Variants in CDKL3 observed in about 807,000 individuals in gnomAD.
CDKL3 encodes the protein cyclin-dependent kinase-like 3.
Under a neutral mutation model 69.3 loss-of-function variants are expected in CDKL3, and 65 were observed. The ratio of observed to expected loss-of-function variants is 0.94; its 90% CI spans 0.77 to 1.15. The LOEUF is 1.15. Ranked by LOEUF, CDKL3 falls within the 50% of genes most tolerant of loss-of-function variation. CDKL3 has a pLI of 0.00. For missense variants in CDKL3, 652 were observed against 689.2 expected (o/e 0.95, Z 0.61); for synonymous variants, 202 against 221.6 (o/e 0.91, Z 0.79).
At position 134,366,486 on chromosome 5, in the gene CDKL3, C is replaced by T; in HGVS notation, c.38G>A (p.Gly13Glu). The T allele has an allele frequency of 6.2e-7, 1 of 1,608,334 alleles. No homozygotes were observed. Among genetic ancestry groups the T allele is most frequent in the Non-Finnish European group, 8.5e-7 (1 of 1,177,482 alleles). Residue 13 changes from glycine to glutamate, a missense_variant, in exon 2 of 13, where the codon GGA becomes GAA. Transcript: ENST00000265334. ...ACATTTCATGACTGTTCCGTAACTT[C>T]CCTCTCCCACTTTTCCAAGGGTTTC... ...MYETLGKVGE[G>E]SYGTVMKCKH...
intron 4 of CDKL3, among the ~76,000 whole-genome samples, chr5:134,340,941 A>G (rs1166868555): frequency 6.6e-6 from 1 of 152,198 alleles, no homozygotes; most frequent in African/African-American, 2.4e-5. Flanking sequence ...ATTCTCAACA[A>G]AATACTAGCA....
In CDKL3 at chr5:134,305,753, TTTG is replaced by T. The variant is rs371831686; in HGVS notation, c.1458+853_1458+855del. The stretch of plus-strand genomic sequence containing the variant: ...GACAGGTTTGTATTGTTTTCAGTTT[TTTG>T]TTATTATAATTAACATTGTGCTTCA... On this transcript the variant is annotated intron_variant, in intron 10 of 12. Transcript: ENST00000265334. Among the ~76,000 whole-genome samples, 18 of 152,388 alleles carry T rather than the reference TTTG, an allele frequency of 1.2e-4. No individual in the cohort carries two copies. In the East Asian group the frequency reaches 3.1e-3, roughly 26 times the overall value.
chr5:134,303,063 G>A (rs1328897685), intron 11 of CDKL3, among the ~76,000 whole-genome samples: 1 of 151,616 alleles, frequency 6.6e-6, no homozygotes, highest in Middle Eastern at 3.2e-3. Context: ...ACAAAAGTGC[G>A]TTTCATTCTG....
intron 6 of CDKL3, among the ~76,000 whole-genome samples, chr5:134,314,486 A>G (rs964264624): frequency 6.6e-6 from 1 of 152,234 alleles, no homozygotes; most frequent in Non-Finnish European, 1.5e-5. Flanking sequence ...TGTGTTCCAT[A>G]CAAAGACAAA....
rs1769774641 is a variant in CDKL3 at position 134,312,331 on chromosome 5, A to G, written c.842T>C (p.Leu281Ser). The change falls in exon 7 of 13, where the codon TTG becomes TCG. Residue 281 changes from leucine to serine, a missense_variant. Coordinates refer to ENST00000265334, the MANE Select transcript of CDKL3 (RefSeq NM_001113575.2). The part of the protein sequence containing the change: ...PADRISSSDL[L>S]HHEYFTRDGF... Reference sequence around the variant, plus strand: ...ATCTCTAGTAAAATACTCATGATGCAAAAGATCACTAGATGATATCCTGTC... The same window carrying G: ...ATCTCTAGTAAAATACTCATGATGCGAAAGATCACTAGATGATATCCTGTC... 2 of 1,601,080 alleles carry G rather than the reference A, an allele frequency of 1.2e-6. No homozygotes were observed. Among genetic ancestry groups the G allele is most frequent in the Non-Finnish European group, 8.5e-7 (1 of 1,174,262 alleles).
At chr5:134,356,386 C>T (rs996378629) in intron 3 of CDKL3, among the ~76,000 whole-genome samples, 2 of 152,248 alleles carry the variant, frequency 1.3e-5, no homozygotes, top group Non-Finnish European at 2.9e-5. Context: ...TGATTCCTAA[C>T]AGGCCACAGA....
intron 4 of CDKL3, among the ~76,000 whole-genome samples, chr5:134,348,758 C>T (rs1427609756): frequency 6.6e-6 from 1 of 151,922 alleles, no homozygotes; most frequent in African/African-American, 2.4e-5. Flanking sequence ...CTTATGCAGG[C>T]TACATTATGT....
chr5:134,367,631 C>T (rs533008082), upstream of CDKL3, among the ~76,000 whole-genome samples: 1 of 152,350 alleles, frequency 6.6e-6, no homozygotes, highest in South Asian at 2.1e-4. Context: ...GCCTCGGCCT[C>T]CCAAAGTGCT....
At chr5:134,367,250 G>A (rs1757668491), upstream of CDKL3, 2 of 985,402 alleles carry the variant, frequency 2.0e-6, no homozygotes, top group Non-Finnish European at 2.4e-6. Flanking sequence ...ACCTACTCTG[G>A]GTAGGCGCAA....
chr5:134,369,367 T>G (rs961135595), upstream of CDKL3, among the ~76,000 whole-genome samples: 1 of 152,224 alleles, frequency 6.6e-6, no homozygotes, highest in Non-Finnish European at 1.5e-5. Context: ...AGGACTTCGT[T>G]GGTGGGTCAG....
chr5:134,330,096 T>A (rs1469561988), intron 4 of CDKL3, among the ~76,000 whole-genome samples: 1 of 151,908 alleles, frequency 6.6e-6, no homozygotes, highest in African/African-American at 2.4e-5. Context: ...ATCCATAAGG[T>A]TCAAGATACT....
intron 4 of CDKL3, among the ~76,000 whole-genome samples, chr5:134,347,370 T>C (rs775292479): frequency 3.9e-5 from 6 of 152,232 alleles, no homozygotes; most frequent in Non-Finnish European, 5.9e-5. Flanking sequence ...ATAGAGTTAC[T>C]GTATGACCCA....
intron 6 of CDKL3, among the ~76,000 whole-genome samples, chr5:134,315,592 C>G (rs1770825353): frequency 6.6e-6 from 1 of 151,974 alleles, no homozygotes; most frequent in Non-Finnish European, 1.5e-5. Flanking sequence ...CCTTGGCCTC[C>G]CAAAGTGCTG....
chr5:134,303,128 G>A (rs1038836784), intron 11 of CDKL3, among the ~76,000 whole-genome samples: 16 of 150,238 alleles, frequency 1.1e-4, no homozygotes, highest in Non-Finnish European at 2.1e-4. Context: ...GTCTCACTCT[G>A]TCACCCAGGC....
chr5:134,303,372 C>A (rs1035014291), intron 11 of CDKL3, among the ~76,000 whole-genome samples: 1 of 152,088 alleles, frequency 6.6e-6, no homozygotes, highest in Non-Finnish European at 1.5e-5. Flanking sequence ...CCACTGTGCC[C>A]AGCCTATAAA....
At chr5:134,284,112 GTGTC>G (rs556824191), downstream of CDKL3, among the ~76,000 whole-genome samples, 269 of 152,320 alleles carry the variant, frequency 1.8e-3, 8 homozygotes, top group South Asian at 0.053. Flanking sequence ...CTGGCATTGA[GTGTC>G]TGCAGCTTTT....
chr5:134,311,746 A>G (rs1769582685), intron 7 of CDKL3, among the ~76,000 whole-genome samples: 1 of 152,196 alleles, frequency 6.6e-6, no homozygotes, highest in Non-Finnish European at 1.5e-5. Context: ...TGCCTAGGAC[A>G]TGGTAACTGT....
At chr5:134,325,730 C>T (rs1438824095) in intron 4 of CDKL3, among the ~76,000 whole-genome samples, 1 of 151,694 alleles carries the variant, frequency 6.6e-6, no homozygotes, top group Non-Finnish European at 1.5e-5. Flanking sequence ...TTAAAAAAAA[C>T]TCTCAAGCTT....
chr5:134,365,789 C>G (rs540734538), intron 2 of CDKL3, among the ~76,000 whole-genome samples: 1 of 152,164 alleles, frequency 6.6e-6, no homozygotes, highest in East Asian at 1.9e-4. Flanking sequence ...CCACTTTGCC[C>G]TTTATCCTTT....
Sources: gnomAD v4.1 joint callset for allele counts (sites outside exome capture counted in the v4.1 genomes callset) on GRCh38, gnomAD v4.1.1 for gene constraint, MANE v1.5 for transcripts, NCBI Gene and HGNC (gene_info 2026-07-23, HGNC 2026-07-21) for gene names.